Variants in PRKCE observed in about 807,000 individuals in gnomAD.
PRKCE encodes protein kinase C epsilon type.
In PRKCE, 16 loss-of-function variants were observed where a neutral mutation model predicts 85.4. The ratio of observed to expected loss-of-function variants is 0.19; its 90% CI spans 0.13 to 0.28. The LOEUF (loss-of-function observed/expected upper bound fraction) is 0.28. Ranked by LOEUF, PRKCE falls within the 10% of genes least tolerant of loss-of-function variation. PRKCE has a pLI of 1.00. For missense variants in PRKCE, 573 were observed against 975.2 expected, an observed-to-expected ratio of 0.59 and a Z score of 5.49; for synonymous variants, 388 against 371.5, an observed-to-expected ratio of 1.04 and a Z score of -0.51.
intron 2 of PRKCE, among the ~76,000 whole-genome samples, chr2:45,848,481 T>C (rs973416994): frequency 2.0e-5 from 3 of 152,122 alleles, no homozygotes; most frequent in African/African-American, 7.2e-5. Context: ...TGGTTAATTT[T>C]TGTATTTTTA....
intron 5 of PRKCE, among the ~76,000 whole-genome samples, chr2:45,984,212 A>G (rs1703130965): frequency 6.6e-6 from 1 of 152,118 alleles, no homozygotes; most frequent in Non-Finnish European, 1.5e-5. Flanking sequence ...TGCTGGGATT[A>G]CAGATATGAT....
chr2:46,178,914 G>A (rs761688767), intron 14 of PRKCE, among the ~76,000 whole-genome samples: 12 of 152,152 alleles, frequency 7.9e-5, no homozygotes, highest in Non-Finnish European at 1.5e-4. Context: ...AGGGCAGGGT[G>A]GAAGGAGACT....
chr2:45,849,543 G>A (rs1031876874), intron 2 of PRKCE, among the ~76,000 whole-genome samples: 1 of 152,106 alleles, frequency 6.6e-6, no homozygotes, highest in Non-Finnish European at 1.5e-5. Flanking sequence ...GTTAAGGAGA[G>A]CCTCCAGCTT....
chr2:46,092,802 G>C (rs1354194956), intron 11 of PRKCE, among the ~76,000 whole-genome samples: 2 of 152,168 alleles, frequency 1.3e-5, no homozygotes, highest in African/African-American at 2.4e-5. Flanking sequence ...TAGTCAGAGG[G>C]GAAAGTGTGT....
At chr2:45,782,144 A>G (rs1366610430) in intron 1 of PRKCE, among the ~76,000 whole-genome samples, 1 of 151,814 alleles carries the variant, frequency 6.6e-6, no homozygotes, top group Non-Finnish European at 1.5e-5. Flanking sequence ...TGTCTTGTAA[A>G]CTCTTCGGAG....
Position 45,995,145 on chromosome 2 carries a change from T to C in PRKCE, c.824-6259T>C, listed in dbSNP as rs142644547. Among the ~76,000 whole-genome samples, 73 of 152,312 alleles carry C rather than the reference T, an allele frequency of 4.8e-4. 1 individual carries two copies. The East Asian group carries it at 0.012, about 25-fold the overall frequency. ...ATTGGGTTATTCATTTTGTTATTGTTAAGTTTAAGAGTTTGTTGCCTATAT... is the reference window on the plus strand; with the variant it reads ...ATTGGGTTATTCATTTTGTTATTGTCAAGTTTAAGAGTTTGTTGCCTATAT... On this transcript the variant is annotated intron_variant, in intron 6 of 14. Transcript: ENST00000306156.
chr2:45,991,359 A>G (rs1703781517), intron 6 of PRKCE, among the ~76,000 whole-genome samples: 1 of 144,364 alleles, frequency 6.9e-6, no homozygotes, highest in African/African-American at 2.4e-5. Context: ...CCATGAGGAC[A>G]GAGATTTTTT....
chr2:46,096,912 A>G (rs1670741513), intron 11 of PRKCE, among the ~76,000 whole-genome samples: 1 of 152,174 alleles, frequency 6.6e-6, no homozygotes, highest in African/African-American at 2.4e-5. Flanking sequence ...CTTGGCATAA[A>G]TTGTAATAGT....
intron 11 of PRKCE, among the ~76,000 whole-genome samples, chr2:46,095,839 C>T (rs1355765782): frequency 6.6e-6 from 1 of 152,208 alleles, no homozygotes; most frequent in Non-Finnish European, 1.5e-5. Context: ...GAACAAGAAT[C>T]GTAATAACAG....
intron 2 of PRKCE, among the ~76,000 whole-genome samples, chr2:45,862,913 A>G (rs1693286277): frequency 6.6e-6 from 1 of 152,202 alleles, no homozygotes; most frequent in Non-Finnish European, 1.5e-5. Flanking sequence ...TGTGCCCCAG[A>G]TCAGGGCCTT....
intron 1 of PRKCE, among the ~76,000 whole-genome samples, chr2:45,719,816 T>A (rs1014582420): frequency 1.3e-5 from 2 of 152,134 alleles, no homozygotes; most frequent in Non-Finnish European, 2.9e-5. Flanking sequence ...TCCTAGCACT[T>A]TGGGAGGCCA....
intron 1 of PRKCE, among the ~76,000 whole-genome samples, chr2:45,771,451 G>A (rs1685320603): frequency 6.6e-6 from 1 of 152,138 alleles, no homozygotes; most frequent in African/African-American, 2.4e-5. Flanking sequence ...TGGAGAACCT[G>A]TCGGCCGGCC....
intron 6 of PRKCE, among the ~76,000 whole-genome samples, chr2:45,992,736 A>G (rs1336629281): frequency 2.0e-5 from 3 of 152,210 alleles, no homozygotes; most frequent in African/African-American, 7.2e-5. Flanking sequence ...AGGAATTCCC[A>G]GGAGCCTGGC....
At chr2:45,655,346 T>A (rs1238528227) in intron 1 of PRKCE, among the ~76,000 whole-genome samples, 1 of 140,824 alleles carries the variant, frequency 7.1e-6, no homozygotes, top group Non-Finnish European at 1.6e-5. Flanking sequence ...GTTATAAGTT[T>A]TTTTGCATTT....
At chr2:45,767,039 T>TA (rs11435171) in intron 1 of PRKCE, among the ~76,000 whole-genome samples, 81,431 of 147,058 alleles carry the variant, frequency 0.55, 24,669 homozygotes, top group East Asian at 0.8. Context: ...AAACTCAGTC[T>TA]AAAAAAAAAA....
At chr2:46,051,368 A>T (rs1185294533) in intron 10 of PRKCE, among the ~76,000 whole-genome samples, 1 of 152,122 alleles carries the variant, frequency 6.6e-6, no homozygotes, top group Non-Finnish European at 1.5e-5. Flanking sequence ...TGTGACTGTG[A>T]AGGTGGGGAG....
At chr2:45,689,555 G>A (rs907346168) in intron 1 of PRKCE, among the ~76,000 whole-genome samples, 1 of 150,624 alleles carries the variant, frequency 6.6e-6, no homozygotes, top group Non-Finnish European at 1.5e-5. Flanking sequence ...TTTAAGAAAA[G>A]ATTTAATTTA....
At chr2:45,738,533 C>G (rs1173422065) in intron 1 of PRKCE, among the ~76,000 whole-genome samples, 1 of 152,314 alleles carries the variant, frequency 6.6e-6, no homozygotes, top group East Asian at 1.9e-4. Flanking sequence ...CGTGTTTTCT[C>G]TTTCTTTTGG....
intron 1 of PRKCE, among the ~76,000 whole-genome samples, chr2:45,684,974 C>G (rs1208732630): frequency 4.6e-5 from 7 of 152,352 alleles, no homozygotes; most frequent in South Asian, 4.1e-4. Flanking sequence ...CCCGCCCTGG[C>G]TTTGGCACTG....
Sources: gnomAD v4.1 joint callset for allele counts (sites outside exome capture counted in the v4.1 genomes callset) on GRCh38, gnomAD v4.1.1 for gene constraint, MANE v1.5 for transcripts, NCBI Gene and HGNC (gene_info 2026-07-23, HGNC 2026-07-21) for gene names.